Variants in RIC8A observed in about 807,000 individuals in gnomAD.
The protein encoded by RIC8A is RIC8 guanine nucleotide exchange factor A.
In RIC8A, 37 loss-of-function variants were observed where a neutral mutation model predicts 48.4. The observed-to-expected ratio is 0.77, with a 90% confidence interval of 0.59 to 1.01. RIC8A has a LOEUF of 1.01. Ranked by LOEUF, RIC8A falls within the 50% of genes least tolerant of loss-of-function variation. The pLI is 0.00. For missense variants in RIC8A, 681 were observed against 696.8 expected, an observed-to-expected ratio of 0.98 and a Z score of 0.25; for synonymous variants, 288 against 283.4, an observed-to-expected ratio of 1.02 and a Z score of -0.16.
chr11:208,821 G>A lies in RIC8A; in HGVS notation c.-34G>A, dbSNP rs755968591. 3 of 1,583,762 alleles carry A rather than the reference G, an allele frequency of 1.9e-6. No homozygotes were observed. Among genetic ancestry groups the A allele is most frequent in the East Asian group, 4.6e-5 (2 of 43,794 alleles). ...CGGCGAACTGCGGCCCGGAACGGCT[G>A]AGGAAGGGCCCGTCCCGCCTTCCCC... On this transcript the variant is annotated 5_prime_UTR_variant, in exon 1 of 10. Transcript: ENST00000526104. This position sits in a 1 kb window ranked among gnomAD's most constrained non-coding sequence, Gnocchi z 4.8.
In RIC8A at chr11:211,374, C is replaced by A; in HGVS notation, c.969+25C>A. 6.2e-7 allele frequency: 1 copy of A among 1,607,084 alleles called. No homozygotes were observed. Among genetic ancestry groups the A allele is most frequent in the South Asian group, 1.1e-5 (1 of 89,996 alleles). On this transcript the variant is annotated intron_variant, in intron 5 of 9. Coordinates refer to ENST00000526104, the MANE Select transcript of RIC8A (RefSeq NM_001286134.2). The surrounding 1 kb of genome is among the most constrained non-coding windows in gnomAD (Gnocchi z 4.0). The stretch of plus-strand genomic sequence containing the variant: ...GGTAGGCTGGGGATGGCTGTGCAGG[C>A]TCCCCCAGTGGCTCTGGCACTGGTT...
intron 9 of RIC8A, 57 bp downstream of exon 9, chr11:213,475 T>G: frequency 6.5e-7 from 1 of 1,547,358 alleles, no homozygotes. Context: ...CTGACCCACA[T>G]CCTGTCTTGT....
rs564833841 is a variant in RIC8A at position 209,322 on chromosome 11, G to T, written c.132+4G>T. The T allele has an allele frequency of 6.2e-7, 1 of 1,612,650 alleles. No individual in the cohort carries two copies. Among genetic ancestry groups the T allele is most frequent in the Non-Finnish European group, 8.5e-7 (1 of 1,179,116 alleles). On this transcript the variant is annotated splice_donor_region_variant and intron_variant, in intron 2 of 9. Transcript: ENST00000526104. ...TGCCCAACAGGAGGACCGGAAGGTG[G>T]GTGCTGGCCCAAGGGGTAAAGGGGC...
chr11:213,066 G>C (rs1855406222), intron 8 of RIC8A, 85 bp downstream of exon 8: 5 of 1,476,216 alleles, frequency 3.4e-6, no homozygotes, highest in Admixed American at 2.5e-5. Flanking sequence ...CTGTAGGGTG[G>C]GACAGGATGA....
Position 213,381 on chromosome 11 carries a change from G to A in RIC8A, c.1438G>A (p.Ala480Thr). ...GMTEEQKEHEAMKLVTMFDKL... is the reference protein window; with the variant it reads ...GMTEEQKEHETMKLVTMFDKL... ...GACAGAGGAGCAGAAGGAGCACGAG[G>A]CCATGAAGCTGGTGACCATGTTTGA... The change falls in exon 9 of 10, where the codon GCC becomes ACC. Residue 480 changes from alanine (A) to threonine (T), a missense_variant. Transcript: ENST00000526104. The A allele has an allele frequency of 6.2e-7, 1 of 1,607,090 alleles. No individual in the cohort carries two copies. The highest frequency in any genetic ancestry group is 8.5e-7 in the Non-Finnish European group (1 of 1,176,606).
Position 208,715 on chromosome 11 carries a change from C to T in RIC8A, c.-140C>T, listed in dbSNP as rs1162171504. On this transcript the variant is annotated 5_prime_UTR_variant, in exon 1 of 10. Coordinates refer to ENST00000526104, the MANE Select transcript of RIC8A (RefSeq NM_001286134.2). The surrounding 1 kb of genome is among the most constrained non-coding windows in gnomAD (Gnocchi z 4.8). ...TAAAGCGCCACCAGACGCTGCGCCC[C>T]GTTAAAGCGCCACCAGACGCCGCGC... The T allele has an allele frequency of 5.2e-6, 3 of 574,606 alleles. No individual in the cohort carries two copies. Among genetic ancestry groups the T allele is most frequent in the East Asian group, 6.8e-5 (2 of 29,234 alleles). The allele number at this position is 574,606 out of a possible 1,614,324, so 35.6% of individuals were successfully genotyped here.
rs1475958976 is a variant in RIC8A, at chr11:214,479, C to G, written c.*129C>G. The G allele has an allele frequency of 3.7e-6, 4 of 1,091,486 alleles. No individual in the cohort carries two copies. The highest frequency in any genetic ancestry group is 5.4e-6 in the Non-Finnish European group (4 of 738,022). The allele number at this position is 1,091,486 out of a possible 1,614,324, so 67.6% of individuals were successfully genotyped here. On this transcript the variant is annotated 3_prime_UTR_variant, in exon 10 of 10. Coordinates refer to ENST00000526104, the MANE Select transcript of RIC8A (RefSeq NM_001286134.2). ...CCCCACTTCTCCATCTTAGAAACCCCTTCTCTTGACTCCCGTTCTGTTCAT... is the reference window on the plus strand; with the variant it reads ...CCCCACTTCTCCATCTTAGAAACCCGTTCTCTTGACTCCCGTTCTGTTCAT...
In RIC8A at chr11:211,221, A is replaced by T; in HGVS notation, c.841A>T (p.Asn281Tyr). The T allele has an allele frequency of 6.2e-7, 1 of 1,613,916 alleles. No individual in the cohort carries two copies. The highest frequency in any genetic ancestry group is 1.1e-5 in the South Asian group (1 of 91,062). ...CAGCCACGCAGTGAACCTCCTGGGG[A>T]ACTTGCCCCTCAAGTGTCTGGATGT... is the stretch of plus-strand genomic sequence containing the variant. ...FHGHAVNLLG[N>Y]LPLKCLDVLL... The change falls in exon 5 of 10, where the codon AAC becomes TAC. Residue 281 changes from asparagine to tyrosine, a missense_variant. Physicochemically the swap from Asn to Tyr is moderately radical, Grantham distance 143. Coordinates refer to ENST00000526104, the MANE Select transcript of RIC8A (RefSeq NM_001286134.2). The surrounding 1 kb of genome is among the most constrained non-coding windows in gnomAD (Gnocchi z 4.0).
intron 4 of RIC8A, chr11:210,985 T>C (rs1003543430): frequency 1.5e-5 from 9 of 609,578 alleles, no homozygotes; most frequent in Non-Finnish European, 2.6e-5. Context: ...GGAGGCAGTG[T>C]GTCTCAGTGC....
Position 209,302 on chromosome 11 carries a change from A to C in RIC8A, c.116A>C (p.Gln39Pro), listed in dbSNP as rs1383749569. 1 of 1,613,682 alleles carries C rather than the reference A, an allele frequency of 6.2e-7. No homozygotes were observed. Among genetic ancestry groups the C allele is most frequent in the Admixed American group, 1.7e-5 (1 of 59,992 alleles). ...CAGAGCTTCACGTTTGATGATGCCC[A>C]ACAGGAGGACCGGAAGGTGGGTGCT... ...HSQSFTFDDA[Q>P]QEDRKRLAEL... Residue 39 changes from glutamine to proline, a missense_variant, in exon 2 of 10, where the codon CAA (glutamine) becomes CCA (proline). Gln to Pro is a moderately conservative substitution (Grantham distance 76, BLOSUM62 -1). Coordinates refer to ENST00000526104, the MANE Select transcript of RIC8A (RefSeq NM_001286134.2).
chr11:212,001 C>A, intron 5 of RIC8A: 1 of 243,468 alleles, frequency 4.1e-6, no homozygotes, highest in East Asian at 1.1e-4. Flanking sequence ...TCAAGAACTC[C>A]CTGCTCTGTC....
intron 9 of RIC8A, chr11:213,855 G>C (rs1855448606): frequency 3.8e-6 from 1 of 264,996 alleles, no homozygotes; most frequent in Non-Finnish European, 7.3e-6. Flanking sequence ...GTTGAGGCAG[G>C]GGAATCACTT....
Position 208,667 on chromosome 11 carries a change from T to C in RIC8A, c.-188T>C, listed in dbSNP as rs1163169037. 6.1e-6 allele frequency: 3 copies of C among 495,758 alleles called. No individual in the cohort carries two copies. Among genetic ancestry groups the C allele is most frequent in the Non-Finnish European group, 1.1e-5 (3 of 284,936 alleles). 30.7% of individuals were successfully genotyped at this position (495,758 alleles called of 1,614,324 possible). On this transcript the variant is annotated 5_prime_UTR_variant, in exon 1 of 10. Coordinates refer to ENST00000526104, the MANE Select transcript of RIC8A (RefSeq NM_001286134.2). The surrounding 1 kb of genome is among the most constrained non-coding windows in gnomAD (Gnocchi z 4.8). ...GGTCTTAAAACCTCCGAGCCGCCAG[T>C]TCTGCCTCAGGCCGCGCCCCCTTAA...
intron 9 of RIC8A, chr11:213,701 T>G: frequency 3.3e-6 from 1 of 302,062 alleles, no homozygotes; most frequent in Non-Finnish European, 6.3e-6. Context: ...TCCCAGCACT[T>G]TGGGAGACTG....
At chr11:213,257 A>G in intron 8 of RIC8A, 42 bp from the exon 9 acceptor site, 1 of 1,612,336 alleles carries the variant, frequency 6.2e-7, no homozygotes, top group Non-Finnish European at 8.5e-7. Context: ...TGTCCTGGAG[A>G]GTCACTAATG....
At position 209,580 on chromosome 11, in the gene RIC8A, G is replaced by C. The variant is rs150234222; in HGVS notation, c.306G>C (p.Glu102Asp). The C allele has an allele frequency of 4.3e-6, 7 of 1,613,968 alleles. No homozygotes were observed. The African/African-American group carries it at 9.3e-5, about 22-fold the overall frequency. Reference protein sequence around the residue: ...LACYADISVSEGSVPESADMD... With the variant: ...LACYADISVSDGSVPESADMD... ...GCTATGCTGACATCTCTGTCTCTGA[G>C]GGGTCCGTCCCAGAGTCCGCAGACA... The change falls in exon 3 of 10, where the codon GAG becomes GAC. Residue 102 changes from glutamate to aspartate, a missense_variant. Physicochemically the swap from Glu to Asp is conservative, Grantham distance 45. Transcript: ENST00000526104.
Position 214,792 on chromosome 11 carries a change from C to A in RIC8A, c.*442C>A. 2.9e-6 allele frequency: 1 copy of A among 340,246 alleles called. No homozygotes were observed. Among genetic ancestry groups the A allele is most frequent in the South Asian group, 2.3e-5 (1 of 43,698 alleles). 21.1% of individuals were successfully genotyped at this position (340,246 alleles called of 1,614,324 possible). ...GTGCTGCACTTCCCAGGGAGAAAAC[C>A]TGTCAGAACTTTCCATACGAGTATA... On this transcript the variant is annotated 3_prime_UTR_variant, in exon 10 of 10. Transcript: ENST00000526104.
chr11:210,541 C>T, intron 3 of RIC8A, 30 bp from the exon 4 acceptor site: 1 of 1,601,146 alleles, frequency 6.2e-7, no homozygotes, highest in Non-Finnish European at 8.6e-7. Context: ...GAGTGGGGCT[C>T]CTCACAGGAA....
chr11:213,088 G>A, intron 8 of RIC8A, 107 bp downstream of exon 8: 1 of 1,427,424 alleles, frequency 7.0e-7, no homozygotes, highest in Non-Finnish European at 9.3e-7. Context: ...AAATGGGCAA[G>A]AGCTTCCAGA....
Sources: gnomAD v4.1 joint callset for allele counts on GRCh38, gnomAD v4.1.1 for gene constraint, Gnocchi (gnomAD v3.1) non-coding constraint, MANE v1.5 for transcripts, NCBI Gene and HGNC (gene_info 2026-07-23, HGNC 2026-07-21) for gene names.